Variants in VPS54 observed in about 807,000 individuals in gnomAD.
VPS54 encodes the protein vacuolar protein sorting-associated protein 54.
Under a neutral mutation model 121.5 loss-of-function variants are expected in VPS54, and 45 were observed. The observed-to-expected ratio is 0.37, with a 90% CI of 0.29 to 0.47. The LOEUF is 0.47. Ranked by LOEUF, VPS54 falls within the 20% of genes least tolerant of loss-of-function variation. The probability of loss-of-function intolerance (pLI) is 0.99; values close to 1 mark genes in which losing one functional copy is unlikely to be tolerated. For missense variants in VPS54, 1,090 were observed against 1,131.4 expected, an observed-to-expected ratio of 0.96 and a Z score of 0.52; for synonymous variants, 371 against 385.8, an observed-to-expected ratio of 0.96 and a Z score of 0.45.
At chr2:63,990,258 G>A (rs1677254291) in intron 1 of VPS54, among the ~76,000 whole-genome samples, 1 of 152,058 alleles carries the variant, frequency 6.6e-6, no homozygotes, top group Non-Finnish European at 1.5e-5. Context: ...TGGTGACTTT[G>A]GCTTAACGTT....
At chr2:63,948,920 G>T in intron 8 of VPS54, 117 bp downstream of exon 8, 2 of 1,278,226 alleles carry the variant, frequency 1.6e-6, no homozygotes, top group Non-Finnish European at 2.1e-6. Flanking sequence ...GACTTCATAG[G>T]TCTGATAGCC....
chr2:63,983,911 ATG>A lies in VPS54; in HGVS notation c.87_88del (p.Ile30SerfsTer17). 6.2e-7 allele frequency: 1 copy of A among 1,613,662 alleles called. No individual in the cohort carries two copies. Among genetic ancestry groups the A allele is most frequent in the Non-Finnish European group, 8.5e-7 (1 of 1,179,784 alleles). On this transcript the variant is annotated frameshift_variant, in exon 2 of 23. Transcript: ENST00000272322. LOFTEE classifies it high-confidence loss of function. ...ATCTGGCAGTGATGGCACAGGTCGA[ATG>A]TGTTTTGACGGATCTACCTCTATTT... is the stretch of plus-strand genomic sequence containing the variant.
chr2:63,925,646 T>A (rs1673862994), intron 12 of VPS54, among the ~76,000 whole-genome samples: 1 of 152,216 alleles, frequency 6.6e-6, no homozygotes, highest in Non-Finnish European at 1.5e-5. Context: ...ATAAAATGGA[T>A]TATTTGTACA....
intron 5 of VPS54, among the ~76,000 whole-genome samples, chr2:63,967,620 G>A (rs1247866804): frequency 6.6e-6 from 1 of 150,828 alleles, no homozygotes; most frequent in Non-Finnish European, 1.5e-5. Flanking sequence ...TCAGGAGGCT[G>A]AGGTAACAGA....
intron 20 of VPS54, among the ~76,000 whole-genome samples, chr2:63,905,760 C>T (rs985381060): frequency 6.6e-6 from 1 of 152,106 alleles, no homozygotes; most frequent in East Asian, 1.9e-4. Flanking sequence ...CAATATCCTT[C>T]ATAATACCCC....
At chr2:63,988,033 C>T (rs758521051) in intron 1 of VPS54, among the ~76,000 whole-genome samples, 4 of 152,126 alleles carry the variant, frequency 2.6e-5, no homozygotes, top group South Asian at 2.1e-4. Flanking sequence ...CTGACTGCTC[C>T]GGCTAGGACT....
intron 16 of VPS54, among the ~76,000 whole-genome samples, chr2:63,915,194 T>G (rs1673327358): frequency 8.5e-6 from 1 of 117,128 alleles, no homozygotes; most frequent in Non-Finnish European, 1.8e-5. Context: ...CCGAAGATGA[T>G]AAAGTTATCA....
At position 63,981,677 on chromosome 2, in the gene VPS54, T is replaced by C; in HGVS notation, c.347A>G (p.His116Arg). 1 of 1,607,012 alleles carries C rather than the reference T, an allele frequency of 6.2e-7. No individual in the cohort carries two copies. The highest frequency in any genetic ancestry group is 8.5e-7 in the Non-Finnish European group (1 of 1,176,250). ...GATTTCCTGTTGATATACTGTAAAATGTTCCTTGCTGATCTGTGGGAGGTA... is the reference window on the plus strand; with the variant it reads ...GATTTCCTGTTGATATACTGTAAAACGTTCCTTGCTGATCTGTGGGAGGTA... ...SFYLPQISKE[H>R]FTVYQQEISQ... is the part of the protein sequence containing the mutation. The change falls in exon 3 of 23, where the codon CAT becomes CGT. Residue 116 changes from histidine to arginine, a missense_variant. Around this residue, in one of 2 missense-constraint regions of VPS54, gnomAD observed 801 missense variants for 757.0 expected, o/e 1.06. Coordinates refer to ENST00000272322, the MANE Select transcript of VPS54 (RefSeq NM_016516.3).
intron 1 of VPS54, among the ~76,000 whole-genome samples, chr2:64,011,437 A>C: frequency 6.6e-6 from 1 of 152,116 alleles, no homozygotes; most frequent in African/African-American, 2.4e-5. Flanking sequence ...ATGGTGGTGC[A>C]CGCCTGTAGT....
chr2:63,926,494 A>C (rs150050289), intron 12 of VPS54, among the ~76,000 whole-genome samples: 11 of 152,278 alleles, frequency 7.2e-5, no homozygotes, highest in African/African-American at 2.4e-4. Context: ...TGATTTACAT[A>C]AAGTACTGAG....
rs1388362507 is a variant in VPS54, at chr2:63,916,762, C to A, written c.2228+138G>T. Reference sequence around the variant, plus strand: ...CATAAAGTTTCCTTTAAGTTCTTTGCAGGATTTAAAACAGTTAATCCAAAT... The same window carrying A: ...CATAAAGTTTCCTTTAAGTTCTTTGAAGGATTTAAAACAGTTAATCCAAAT... On this transcript the variant is annotated intron_variant, in intron 16 of 22. Transcript: ENST00000272322. 10 of 741,894 alleles carry A rather than the reference C, an allele frequency of 1.3e-5. No homozygotes were observed. In the East Asian group the frequency reaches 2.7e-4, roughly 20 times the overall value. 46.0% of individuals were successfully genotyped at this position (741,894 alleles called of 1,614,324 possible). A position where few individuals can be genotyped will look rare whatever the true frequency, so the allele number is the denominator to read the frequency against.
intron 8 of VPS54, among the ~76,000 whole-genome samples, chr2:63,948,189 G>A (rs183940724): frequency 6.6e-6 from 1 of 152,216 alleles, no homozygotes; most frequent in African/African-American, 2.4e-5. Context: ...CTCACAGTGG[G>A]AAGTCAACTG....
intron 3 of VPS54, chr2:63,975,056 T>C (rs1485929584): frequency 1.3e-6 from 2 of 1,546,848 alleles, no homozygotes; most frequent in Non-Finnish European, 1.7e-6. Flanking sequence ...ATTTTTTTTT[T>C]CTTTTTTGAG....
chr2:63,983,867 T>C lies in VPS54; in HGVS notation c.133A>G (p.Thr45Ala). Residue 45 changes from threonine (T) to alanine (A), a missense_variant, in exon 2 of 23, where the codon ACA becomes GCA. This residue lies in a region of VPS54 where 801 missense variants were observed against 757.0 expected (regional missense o/e 1.06). Transcript: ENST00000272322. ...SLPDVCPKEP[T>A]GDSHSLYVAP... ...CTACAAAAAAAAAAAGCATTACCTG[T>C]GGGTTCCTTGGGACACACATCTGGC... 1 of 1,588,862 alleles carries C rather than the reference T, an allele frequency of 6.3e-7. No homozygotes were observed. Among genetic ancestry groups the C allele is most frequent in the Admixed American group, 1.8e-5 (1 of 55,158 alleles).
At chr2:63,964,598 A>G (rs1456222222) in intron 6 of VPS54, among the ~76,000 whole-genome samples, 1 of 152,168 alleles carries the variant, frequency 6.6e-6, no homozygotes, top group Non-Finnish European at 1.5e-5. Context: ...ATTTGTTCTT[A>G]TGCATGGAAA....
In VPS54 at chr2:63,935,071, A is replaced by G. The variant is rs1169642810; in HGVS notation, c.1399-1058T>C. ...AGTCCAATTAGTACATGGAACCACC[A>G]CAATCTGAGCTTAATTATTAGTAAG... On this transcript the variant is annotated intron_variant, in intron 11 of 22. Transcript: ENST00000272322. Among the ~76,000 whole-genome samples, 3 of 152,206 alleles carry G rather than the reference A, an allele frequency of 2.0e-5. No homozygotes were observed. The East Asian group carries it at 5.8e-4, about 29-fold the overall frequency.
chr2:63,919,907 C>T lies in VPS54; in HGVS notation c.2140G>A (p.Ala714Thr). ...LVDSLSDGKI[A>T]LPEKKSGATE... ...CCTCCTGATTTTTTTTCAGGTAAAG[C>T]AATCTTCCCATCTGACAGAGAATCA... Residue 714 changes from alanine (A) to threonine (T), a missense_variant, in exon 15 of 23, where the codon GCT becomes ACT. Physicochemically the swap from Ala to Thr is moderately conservative, Grantham distance 58 (BLOSUM62 0). Around this residue, in one of 2 missense-constraint regions of VPS54, gnomAD observed 289 missense variants for 374.4 expected, o/e 0.77. Transcript: ENST00000272322. The T allele has an allele frequency of 1.2e-6, 2 of 1,610,390 alleles. No individual in the cohort carries two copies. The highest frequency in any genetic ancestry group is 1.7e-6 in the Non-Finnish European group (2 of 1,177,816).
At chr2:63,913,143 T>A (rs1428240423) in intron 18 of VPS54, 80 bp downstream of exon 18, 6 of 1,156,468 alleles carry the variant, frequency 5.2e-6, no homozygotes, top group Non-Finnish European at 7.3e-6. Flanking sequence ...CATGAAAACA[T>A]GAGGTATAAA....
rs891949644 is a variant in VPS54 at position 63,904,111 on chromosome 2, T to C, written c.2626-4530A>G. Among the ~76,000 whole-genome samples, 8 of 152,066 alleles carry C rather than the reference T, an allele frequency of 5.3e-5. No homozygotes were observed. In the East Asian group the frequency reaches 1.4e-3, roughly 26 times the overall value. On this transcript the variant is annotated intron_variant, in intron 20 of 22. Coordinates refer to ENST00000272322, the MANE Select transcript of VPS54 (RefSeq NM_016516.3). ...ATGGTTACATTTGTATTAGATAATATGCACTTCAAAAAAAGGAACATAACC... is the reference window on the plus strand; with the variant it reads ...ATGGTTACATTTGTATTAGATAATACGCACTTCAAAAAAAGGAACATAACC...
Sources: gnomAD v4.1 joint callset for allele counts (sites outside exome capture counted in the v4.1 genomes callset) on GRCh38, gnomAD v4.1.1 for gene constraint, gnomAD v4.1.1 regional missense constraint, MANE v1.5 for transcripts, NCBI Gene and HGNC (gene_info 2026-07-23, HGNC 2026-07-21) for gene names.